The following ATP13A5 variants were observed in gnomAD, a reference collection of about 807,000 sequenced individuals.
ATP13A5 encodes probable cation-transporting ATPase 13A5.
Under a neutral mutation model 150.2 loss-of-function variants are expected in ATP13A5, and 149 were observed. That is an observed-to-expected ratio of 0.99 (90% CI 0.87 to 1.14). The LOEUF is 1.14. ATP13A5 is among the 50% of genes most tolerant of loss of function. The pLI, the probability that ATP13A5 is intolerant of heterozygous loss-of-function variation, is 0.00. For synonymous variants in ATP13A5, 497 were observed against 522.2 expected, an observed-to-expected ratio of 0.95 and a Z score of 0.66; for missense variants, 1,383 against 1,449.3, an observed-to-expected ratio of 0.95 and a Z score of 0.74.
At chr3:193,308,841 A>T (rs1256179351) in intron 21 of ATP13A5, among the ~76,000 whole-genome samples, 1 of 152,210 alleles carries the variant, frequency 6.6e-6, no homozygotes, top group Non-Finnish European at 1.5e-5. Context: ...TTTCTCAGGC[A>T]TTTGAAAAAG....
At chr3:193,354,520 G>A (rs955611578) in intron 5 of ATP13A5, among the ~76,000 whole-genome samples, 5 of 151,736 alleles carry the variant, frequency 3.3e-5, no homozygotes, top group Non-Finnish European at 7.4e-5. Flanking sequence ...AAAAGACACA[G>A]CTATGCAGAT....
At chr3:193,291,166 T>C (rs1336450080) in intron 25 of ATP13A5, among the ~76,000 whole-genome samples, 1 of 152,016 alleles carries the variant, frequency 6.6e-6, no homozygotes, top group East Asian at 1.9e-4. Flanking sequence ...ATATAAAATG[T>C]GTTGGAATGC....
At chr3:193,377,644 A>G (rs956443121) in intron 1 of ATP13A5, among the ~76,000 whole-genome samples, 12 of 152,280 alleles carry the variant, frequency 7.9e-5, no homozygotes, top group African/African-American at 2.9e-4. Context: ...GCAAACAGGG[A>G]TAGGTGGAGG....
intron 12 of ATP13A5, among the ~76,000 whole-genome samples, chr3:193,330,080 G>C (rs1711571752): frequency 6.6e-6 from 1 of 152,110 alleles, no homozygotes; most frequent in Non-Finnish European, 1.5e-5. Context: ...ATGGTCCTCT[G>C]TTCCCCACAT....
chr3:193,334,910 A>C lies in ATP13A5; in HGVS notation c.1114+19T>G. 6.2e-7 allele frequency: 1 copy of C among 1,600,366 alleles called. No individual in the cohort carries two copies. The highest frequency in any genetic ancestry group is 8.5e-7 in the Non-Finnish European group (1 of 1,170,568). On this transcript the variant is annotated intron_variant, in intron 10 of 29. Coordinates refer to ENST00000342358, the MANE Select transcript of ATP13A5 (RefSeq NM_198505.4). The stretch of plus-strand genomic sequence containing the variant: ...ATGTTCAAGCATGAATTAAACTTAC[A>C]AAAGTGGAATCCACTAACCTGTTTG...
At chr3:193,312,021 T>G in intron 19 of ATP13A5, 80 bp from the exon 20 acceptor site, 1 of 1,546,598 alleles carries the variant, frequency 6.5e-7, no homozygotes, top group East Asian at 2.3e-5. Context: ...AAGGAAGAGT[T>G]TTCATGTTGC....
chr3:193,290,786 G>T (rs183446958), intron 25 of ATP13A5, among the ~76,000 whole-genome samples: 1 of 152,096 alleles, frequency 6.6e-6, no homozygotes, highest in Non-Finnish European at 1.5e-5. Flanking sequence ...TTAAAAAGAC[G>T]ACTACATCCT....
chr3:193,280,956 T>G (rs1717465806), intron 27 of ATP13A5, among the ~76,000 whole-genome samples: 1 of 152,204 alleles, frequency 6.6e-6, no homozygotes, highest in Admixed American at 6.5e-5. Context: ...GCAGGCTCTA[T>G]TTTTGAAGTG....
Position 193,338,217 on chromosome 3 carries a change from C to G in ATP13A5, c.944-3118G>C, listed in dbSNP as rs559407961. Among the ~76,000 whole-genome samples, 25 of 152,160 alleles carry G rather than the reference C, an allele frequency of 1.6e-4. No individual in the cohort carries two copies. The East Asian group carries it at 4.3e-3, about 26-fold the overall frequency. ...ACTTCCTCTTTTTCTAATTGAATAC[C>G]CTTTATTTCTTTCTCCTGCCTGATT... On this transcript the variant is annotated intron_variant, in intron 9 of 29. Transcript: ENST00000342358.
At chr3:193,303,128 G>A (rs1194686179) in intron 23 of ATP13A5, among the ~76,000 whole-genome samples, 1 of 152,140 alleles carries the variant, frequency 6.6e-6, no homozygotes, top group African/African-American at 2.4e-5. Flanking sequence ...ACATCTGGTT[G>A]TCTAGCTTAA....
At chr3:193,314,784 C>T (rs530846954) in intron 18 of ATP13A5, among the ~76,000 whole-genome samples, 188 bp downstream of exon 18, 1 of 152,302 alleles carries the variant, frequency 6.6e-6, no homozygotes, top group African/African-American at 2.4e-5. Context: ...GATACGGTCC[C>T]TACCTTCAAA....
chr3:193,376,894 T>C (rs554185191), intron 1 of ATP13A5, among the ~76,000 whole-genome samples: 52 of 152,210 alleles, frequency 3.4e-4, no homozygotes, highest in Non-Finnish European at 6.8e-4. Context: ...GCATCTGTGC[T>C]CTACGCCCCA....
intron 1 of ATP13A5, among the ~76,000 whole-genome samples, chr3:193,370,645 G>A (rs1338213419): frequency 6.6e-6 from 1 of 152,114 alleles, no homozygotes; most frequent in Non-Finnish European, 1.5e-5. Flanking sequence ...AAACTAATAA[G>A]ATATGATATC....
In ATP13A5 at chr3:193,344,114, G is replaced by A. The variant is rs1712233862; in HGVS notation, c.815-59C>T. 4 of 1,579,948 alleles carry A rather than the reference G, an allele frequency of 2.5e-6. No homozygotes were observed. In the Admixed American group the frequency reaches 7.1e-5, roughly 28 times the overall value. On this transcript the variant is annotated intron_variant, in intron 8 of 29. Transcript: ENST00000342358. ...CCTTTTCCTGTTTTTACTTAAGAATGAAGGCAACTAAGAATCCTTATCAAC... is the reference window on the plus strand; with the variant it reads ...CCTTTTCCTGTTTTTACTTAAGAATAAAGGCAACTAAGAATCCTTATCAAC...
chr3:193,352,310 T>C (rs1159698972), intron 6 of ATP13A5, among the ~76,000 whole-genome samples: 1 of 152,260 alleles, frequency 6.6e-6, no homozygotes, highest in Non-Finnish European at 1.5e-5. Context: ...CTTTTTTGTT[T>C]GCTTATTATA....
chr3:193,302,286 C>G (rs540324551), intron 23 of ATP13A5, among the ~76,000 whole-genome samples: 22 of 152,152 alleles, frequency 1.4e-4, no homozygotes, highest in African/African-American at 5.3e-4. Flanking sequence ...GGAGAGAGGC[C>G]AGGATATTTT....
chr3:193,348,324 T>C (rs995415427), intron 7 of ATP13A5, among the ~76,000 whole-genome samples: 9 of 152,164 alleles, frequency 5.9e-5, no homozygotes, highest in Admixed American at 2.0e-4. Flanking sequence ...CTTGTGTTTG[T>C]CGTGGCTGGA....
chr3:193,354,570 C>T (rs7633124), intron 5 of ATP13A5, among the ~76,000 whole-genome samples: 81,670 of 150,812 alleles, frequency 0.54, 22,338 homozygotes, highest in African/African-American at 0.61. Flanking sequence ...GCCCTTGATG[C>T]TAGAAGTCAT....
At chr3:193,275,518 T>G (rs1288780157) in intron 29 of ATP13A5, among the ~76,000 whole-genome samples, 1 of 152,206 alleles carries the variant, frequency 6.6e-6, no homozygotes, top group Non-Finnish European at 1.5e-5. Flanking sequence ...TTCCAGCATT[T>G]CCTTTTCACA....
Sources: gnomAD v4.1 joint callset for allele counts (sites outside exome capture counted in the v4.1 genomes callset) on GRCh38, gnomAD v4.1.1 for gene constraint, MANE v1.5 for transcripts, NCBI Gene and HGNC (gene_info 2026-07-23, HGNC 2026-07-21) for gene names.